Variants in WIPI2 observed in about 807,000 individuals in gnomAD.
The protein encoded by WIPI2 is WD repeat domain, phosphoinositide interacting 2, also known as WD repeat domain phosphoinositide-interacting protein 2.
Under a neutral mutation model 52.3 loss-of-function variants are expected in WIPI2, and 28 were observed. The observed-to-expected ratio is 0.54, with a 90% CI of 0.40 to 0.73. The LOEUF is 0.73. Ranked by LOEUF, WIPI2 falls within the 30% of genes least tolerant of loss-of-function variation. The pLI, the probability that WIPI2 is intolerant of heterozygous loss-of-function variation, is 0.00. For synonymous variants in WIPI2, 268 were observed against 245.0 expected (o/e 1.09, Z -0.88); for missense variants, 506 against 602.9 (o/e 0.84, Z 1.68).
In WIPI2 at chr7:5,227,173, C is replaced by A; in HGVS notation, c.849-7C>A. On this transcript the variant is annotated splice_region_variant and splice_polypyrimidine_tract_variant and intron_variant, in intron 9 of 12. Coordinates refer to ENST00000288828, the MANE Select transcript of WIPI2 (RefSeq NM_015610.4). The surrounding 1 kb of genome is among the most constrained non-coding windows in gnomAD (Gnocchi z 8.1). The stretch of plus-strand genomic sequence containing the variant: ...AGCTTCATGTGTCTGGTGGCCTTTC[C>A]TTCCAGACCCCCAGAGGAGCCCACC... 1 of 1,613,738 alleles carries A rather than the reference C, an allele frequency of 6.2e-7. No homozygotes were observed. Among genetic ancestry groups the A allele is most frequent in the Non-Finnish European group, 8.5e-7 (1 of 1,179,982 alleles).
rs34887962 is a variant in WIPI2, at chr7:5,229,714, G to C, written c.1228G>C (p.Val410Leu). ...CGCAGCTGCAGGAAAAGGTACTTAC[G>C]TGCCTTCATCCCCAACGAGACTTGG... ...YGAAAGKGTY[V>L]PSSPTRLAYT... is the part of the protein sequence containing the mutation. Residue 410 changes from valine (V) to leucine (L), a missense_variant, in exon 12 of 13, where the codon GTG becomes CTG. Val to Leu is a conservative substitution (Grantham distance 32). This residue lies in a region of WIPI2 where 194 missense variants were observed against 175.1 expected (regional missense o/e 1.11). Coordinates refer to ENST00000288828, the MANE Select transcript of WIPI2 (RefSeq NM_015610.4). 2 of 1,613,978 alleles carry C rather than the reference G, an allele frequency of 1.2e-6. No individual in the cohort carries two copies. Among genetic ancestry groups the C allele is most frequent in the African/African-American group, 1.3e-5 (1 of 75,022 alleles).
chr7:5,218,252 C>G (rs1782923019), intron 7 of WIPI2: 1 of 463,384 alleles, frequency 2.2e-6, no homozygotes, highest in Non-Finnish European at 4.0e-6. Flanking sequence ...ACAGAAATGT[C>G]CAGAGGAGAC....
rs1364121592 is a variant in WIPI2 at position 5,197,778 on chromosome 7, C to T, written c.129-1798C>T. ...CAAATACTTAGTGTGAAATGTGCCC[C>T]TTCCCTGTTTCAGCCTTCTGTTTTA... On this transcript the variant is annotated intron_variant, in intron 2 of 12. Coordinates refer to ENST00000288828, the MANE Select transcript of WIPI2 (RefSeq NM_015610.4). Among the ~76,000 whole-genome samples, 3 of 152,192 alleles carry T rather than the reference C, an allele frequency of 2.0e-5. No individual in the cohort carries two copies. In the East Asian group the frequency reaches 5.8e-4, roughly 29 times the overall value.
intron 3 of WIPI2, among the ~76,000 whole-genome samples, chr7:5,210,654 A>G (rs1424710156): frequency 6.6e-6 from 1 of 152,238 alleles, no homozygotes; most frequent in Non-Finnish European, 1.5e-5. Context: ...AAGTTTTACC[A>G]AGCAAAGCAG....
In WIPI2 at chr7:5,227,706, G is replaced by C. The variant is rs73048054; in HGVS notation, c.1013+362G>C. Among the ~76,000 whole-genome samples, 4,530 of 152,314 alleles carry C rather than the reference G, an allele frequency of 0.03. 91 individuals are homozygous for C. The highest frequency in any genetic ancestry group is 0.099 in the Middle Eastern group (29 of 294). On this transcript the variant is annotated intron_variant, in intron 10 of 12. Transcript: ENST00000288828. This position sits in a 1 kb window ranked among gnomAD's most constrained non-coding sequence, Gnocchi z 8.1. Reference sequence around the variant, plus strand: ...AGGGTCTGGCCTCAGAACACACACAGGGCCTGTGGAGGTTCTGTGCTGCGT... The same window carrying C: ...AGGGTCTGGCCTCAGAACACACACACGGCCTGTGGAGGTTCTGTGCTGCGT...
intron 8 of WIPI2, among the ~76,000 whole-genome samples, chr7:5,224,172 G>A (rs1320756888): frequency 2.6e-5 from 4 of 152,186 alleles, no homozygotes; most frequent in Admixed American, 6.5e-5. Context: ...CAGCAGTACC[G>A]CACTTTCAGA....
intron 5 of WIPI2, 139 bp from the exon 6 acceptor site, chr7:5,216,951 C>T (rs3801043): frequency 0.94 from 919,193 of 978,648 alleles, 431,815 homozygotes; most frequent in Admixed American, 0.96. Context: ...CAGAACTTTC[C>T]TAACACAGCA....
rs774108524 is a variant in WIPI2 at position 5,227,846 on chromosome 7, G to C, written c.1014-258G>C. Among the ~76,000 whole-genome samples the C allele has an allele frequency of 6.6e-6, 1 of 152,122 alleles. No homozygotes were observed. The highest frequency in any genetic ancestry group is 1.5e-5 in the Non-Finnish European group (1 of 68,024). ...TAGCATCCTGGAAAACTTCTCTGACGATGACTACCTATAATAATCCCAGAA... is the reference window on the plus strand; with the variant it reads ...TAGCATCCTGGAAAACTTCTCTGACCATGACTACCTATAATAATCCCAGAA... On this transcript the variant is annotated intron_variant, in intron 10 of 12. Coordinates refer to ENST00000288828, the MANE Select transcript of WIPI2 (RefSeq NM_015610.4). This position sits in a 1 kb window ranked among gnomAD's most constrained non-coding sequence, Gnocchi z 8.1.
Position 5,224,123 on chromosome 7 carries a change from G to T in WIPI2, c.740+1451G>T, listed in dbSNP as rs539734028. ...CAGGCCTCCCGGCACCAGCCCTTCC[G>T]CCCAGCCTGATTCTGTTTCACTGTC... On this transcript the variant is annotated intron_variant, in intron 8 of 12. Coordinates refer to ENST00000288828, the MANE Select transcript of WIPI2 (RefSeq NM_015610.4). 3.9e-5 allele frequency among the ~76,000 whole-genome samples: 6 copies of T among 152,300 alleles called. No homozygotes were observed. In the East Asian group the frequency reaches 1.2e-3, roughly 29 times the overall value.
intron 9 of WIPI2, chr7:5,226,923 C>T: frequency 4.1e-6 from 2 of 493,182 alleles, no homozygotes; most frequent in South Asian, 5.1e-5. Context: ...GTGTGGTCAG[C>T]TGCCACGTCT....
At chr7:5,194,968 G>T (rs552542683) in intron 2 of WIPI2, among the ~76,000 whole-genome samples, 1 of 152,124 alleles carries the variant, frequency 6.6e-6, no homozygotes, top group Admixed American at 6.6e-5. Flanking sequence ...AGGCGGGCTT[G>T]TGGGGCCGTG....
intron 2 of WIPI2, among the ~76,000 whole-genome samples, chr7:5,193,857 G>A (rs1227246494): frequency 6.6e-6 from 1 of 152,208 alleles, no homozygotes; most frequent in Non-Finnish European, 1.5e-5. Flanking sequence ...GATTACAGGT[G>A]TGAGCCGTTG....
intron 5 of WIPI2, 163 bp downstream of exon 5, chr7:5,216,822 G>C (rs976796700): frequency 2.7e-6 from 2 of 729,938 alleles, no homozygotes; most frequent in Admixed American, 5.5e-5. Flanking sequence ...CTGGTCATGT[G>C]ACCACATAAG....
intron 6 of WIPI2, 24 bp downstream of exon 6, chr7:5,217,211 T>A: frequency 6.2e-7 from 1 of 1,612,898 alleles, no homozygotes; most frequent in Non-Finnish European, 8.5e-7. Context: ...CCTGCTCGAA[T>A]AGCTCTCTAA....
intron 11 of WIPI2, among the ~76,000 whole-genome samples, chr7:5,228,526 TC>T (rs1203792650): frequency 6.6e-6 from 1 of 152,124 alleles, no homozygotes; most frequent in Non-Finnish European, 1.5e-5. Context: ...CAGGCCTTCC[TC>T]CCCAGGGTGG....
intron 4 of WIPI2, 112 bp from the exon 5 acceptor site, chr7:5,216,451 A>T (rs1782817066): frequency 1.2e-6 from 1 of 825,224 alleles, no homozygotes; most frequent in Non-Finnish European, 2.0e-6. Context: ...AAAATACAAT[A>T]ACAATAGAAG....
rs145882612 is a variant in WIPI2, at chr7:5,230,579, G to A, written c.1253-256G>A. Among the ~76,000 whole-genome samples the A allele has an allele frequency of 3.4e-4, 52 of 152,248 alleles. No individual in the cohort carries two copies. Among genetic ancestry groups the A allele is most frequent in the African/African-American group, 1.1e-3 (44 of 41,534 alleles). ...ACCAGCTTGAGAGAGTTTGTGGCCC[G>A]TCCATGAGGGAGCCTCTGTTTACTG... On this transcript the variant is annotated intron_variant, in intron 12 of 12. Coordinates refer to ENST00000288828, the MANE Select transcript of WIPI2 (RefSeq NM_015610.4). The surrounding 1 kb of genome is among the most constrained non-coding windows in gnomAD (Gnocchi z 4.8).
chr7:5,228,910 G>A (rs1454064178), intron 11 of WIPI2, among the ~76,000 whole-genome samples: 1 of 151,862 alleles, frequency 6.6e-6, no homozygotes, highest in East Asian at 1.9e-4. Context: ...CTTGTGCAGG[G>A]TCTTGCTAGG....
At chr7:5,204,369 A>G (rs892103136) in intron 3 of WIPI2, among the ~76,000 whole-genome samples, 12 of 152,096 alleles carry the variant, frequency 7.9e-5, no homozygotes, top group Non-Finnish European at 1.5e-4. Flanking sequence ...CTGCAGGCTG[A>G]GGTAGGAGAA....
Sources: allele counts gnomAD v4.1 joint callset (sites outside exome capture counted in the v4.1 genomes callset), GRCh38; gene constraint gnomAD v4.1.1; regional missense constraint gnomAD v4.1.1; non-coding constraint Gnocchi (gnomAD v3.1); transcripts MANE v1.5; gene names NCBI Gene and HGNC (gene_info 2026-07-23, HGNC 2026-07-21).